Variants in USP12 observed in about 807,000 individuals in gnomAD.
The protein encoded by USP12 is ubiquitin specific peptidase 12.
Under a neutral mutation model 45.5 loss-of-function variants are expected in USP12, and 19 were observed. The observed-to-expected ratio is 0.42, with a 90% confidence interval of 0.29 to 0.61. The LOEUF (loss-of-function observed/expected upper bound fraction) is 0.61. Among genes scored for constraint, USP12 ranks in the 20% least tolerant of loss-of-function variants. The pLI is 0.22. For synonymous variants in USP12, 149 were observed against 148.8 expected, an observed-to-expected ratio of 1.00 and a Z score of -0.01; for missense variants, 242 against 447.7, an observed-to-expected ratio of 0.54 and a Z score of 4.15.
intron 1 of USP12, among the ~76,000 whole-genome samples, chr13:27,162,401 G>A (rs1390421125): frequency 1.3e-5 from 2 of 152,172 alleles, no homozygotes; most frequent in Non-Finnish European, 2.9e-5. Flanking sequence ...CCCTGTAGAT[G>A]TCATAACGAG....
At chr13:27,121,577 T>C (rs959195059) in intron 1 of USP12, among the ~76,000 whole-genome samples, 6 of 152,032 alleles carry the variant, frequency 3.9e-5, no homozygotes, top group Admixed American at 6.6e-5. Context: ...CAAGAAGATA[T>C]TAAGGCAGGC....
At chr13:27,136,514 T>A (rs1273013999) in intron 1 of USP12, among the ~76,000 whole-genome samples, 1 of 152,022 alleles carries the variant, frequency 6.6e-6, no homozygotes, top group East Asian at 1.9e-4. Flanking sequence ...AACAAATACA[T>A]ACATACATAC....
chr13:27,170,621 G>A (rs1201757159), intron 1 of USP12, among the ~76,000 whole-genome samples: 3 of 152,202 alleles, frequency 2.0e-5, no homozygotes, highest in Admixed American at 2.0e-4. Flanking sequence ...TTTTAAACGC[G>A]CCCACGTTTT....
At position 27,089,907 on chromosome 13, in the gene USP12, C is replaced by T. The variant is rs528471161; in HGVS notation, c.710G>A (p.Arg237His). ...CCGTTTGTGTGCTTCCTGTTTGCTG[C>T]GACACTCTTCACAGTAATACTTGTA... ...SEYKYYCEEC[R>H]SKQEAHKRMK... The change falls in exon 6 of 9, where the codon CGC becomes CAC. Residue 237 changes from arginine to histidine, a missense_variant. By Grantham distance (29) the Arg-to-His change is conservative (BLOSUM62 0). Around this residue, in one of 5 missense-constraint regions of USP12, gnomAD observed 94 missense variants for 168.3 expected, o/e 0.56. Transcript: ENST00000282344. The T allele has an allele frequency of 4.3e-6, 7 of 1,610,252 alleles. No individual in the cohort carries two copies. The highest frequency in any genetic ancestry group is 2.2e-5 in the East Asian group (1 of 44,806).
intron 2 of USP12, among the ~76,000 whole-genome samples, chr13:27,109,326 A>G (rs17592221): frequency 0.049 from 7,464 of 152,314 alleles, 228 homozygotes; most frequent in Middle Eastern, 0.058. Flanking sequence ...GTCTTTTAAT[A>G]TATCTTACCT....
intron 6 of USP12, among the ~76,000 whole-genome samples, chr13:27,087,940 T>C (rs1354769565): frequency 1.3e-5 from 2 of 152,228 alleles, no homozygotes; most frequent in African/African-American, 2.4e-5. Context: ...CAATGAAGAA[T>C]GAAATATTTA....
intron 8 of USP12, 85 bp downstream of exon 8, chr13:27,070,986 T>C (rs1873223962): frequency 8.2e-6 from 9 of 1,100,120 alleles, no homozygotes; most frequent in South Asian, 1.4e-5. Context: ...TCACCAGTCA[T>C]ATATAAATGA....
chr13:27,105,385 T>C (rs1273446627), intron 3 of USP12, among the ~76,000 whole-genome samples: 3 of 151,932 alleles, frequency 2.0e-5, no homozygotes, highest in Non-Finnish European at 4.4e-5. Flanking sequence ...GAAAGCATTA[T>C]GAAAACAAAT....
intron 3 of USP12, among the ~76,000 whole-genome samples, chr13:27,103,745 C>CAAA (rs1225480806): frequency 1.9e-4 from 11 of 58,010 alleles, no homozygotes; most frequent in East Asian, 5.0e-4. Context: ...CCATCTCTAC[C>CAAA]AAAAAAAAAA....
At chr13:27,117,470 T>A (rs1050714426) in intron 1 of USP12, among the ~76,000 whole-genome samples, 1 of 139,002 alleles carries the variant, frequency 7.2e-6, no homozygotes, top group South Asian at 2.1e-4. Flanking sequence ...TGGGCCATTG[T>A]TAGGGAAATA....
intron 1 of USP12, among the ~76,000 whole-genome samples, chr13:27,148,676 T>TTATATATATATATATATATATATA (rs59164229): frequency 1.4e-5 from 2 of 139,432 alleles, no homozygotes; most frequent in African/African-American, 5.3e-5. Flanking sequence ...AAAAAAAAAA[T>TTATATATATATATATATATATATA]TATATATATA....
rs1876445822 is a variant in USP12, at chr13:27,130,536, AC to A, written c.49-13941del. On this transcript the variant is annotated intron_variant, in intron 1 of 8. Transcript: ENST00000282344. ...TTCAAACTGTTCAGTTCTCACACACACACAAAAAAAATCACAAAACATGCCA... is the reference window on the plus strand; with the variant it reads ...TTCAAACTGTTCAGTTCTCACACACAACAAAAAAAATCACAAAACATGCCA... 2.1e-5 allele frequency among the ~76,000 whole-genome samples: 3 copies of A among 143,660 alleles called. 1 individual carries two copies. The highest frequency in any genetic ancestry group is 7.6e-5 in the African/African-American group (3 of 39,232). 94.2% of individuals were successfully genotyped at this position (143,660 alleles called of 152,430 possible). A position where few individuals can be genotyped will look rare whatever the true frequency, so the allele number is the denominator to read the frequency against.
At chr13:27,137,579 A>G (rs1028114326) in intron 1 of USP12, among the ~76,000 whole-genome samples, 1 of 152,206 alleles carries the variant, frequency 6.6e-6, no homozygotes, top group Non-Finnish European at 1.5e-5. Context: ...ATCATAAGTA[A>G]GATACCACAC....
chr13:27,166,988 G>T (rs901294996), intron 1 of USP12, among the ~76,000 whole-genome samples: 1 of 152,114 alleles, frequency 6.6e-6, no homozygotes, highest in African/African-American at 2.4e-5. Flanking sequence ...ATAATCATTC[G>T]TGGGTAAACA....
At chr13:27,148,009 T>C (rs1593208241) in intron 1 of USP12, among the ~76,000 whole-genome samples, 1 of 151,666 alleles carries the variant, frequency 6.6e-6, no homozygotes, top group East Asian at 1.9e-4. Flanking sequence ...GCACCTGTAG[T>C]CCCAAGCTGC....
At chr13:27,109,912 C>CAAAAA (rs58500654) in intron 2 of USP12, among the ~76,000 whole-genome samples, 1,971 of 108,116 alleles carry the variant, frequency 0.018, 70 homozygotes, top group South Asian at 0.025. Flanking sequence ...ACTCTGTCTC[C>CAAAAA]AAAAAAAAAA....
chr13:27,105,998 G>C, intron 2 of USP12, 54 bp from the exon 3 acceptor site: 3 of 1,470,960 alleles, frequency 2.0e-6, no homozygotes, highest in South Asian at 2.6e-5. Context: ...ATTTTCAAGA[G>C]AGAAATTCCC....
chr13:27,144,743 T>G (rs1416304646), intron 1 of USP12, among the ~76,000 whole-genome samples: 1 of 137,084 alleles, frequency 7.3e-6, no homozygotes, highest in Non-Finnish European at 1.6e-5. Context: ...TTTTGTTTTT[T>G]GTTGTTTTTT....
In USP12 at chr13:27,069,112, A is replaced by G. The variant is rs939506726; in HGVS notation, c.*171T>C. ...TACCTGAGCAAATAAATCAACTACC[A>G]TGATCGGAAGGGCTTGTCAATCCAT... is the stretch of plus-strand genomic sequence containing the variant. On this transcript the variant is annotated 3_prime_UTR_variant, in exon 9 of 9. Coordinates refer to ENST00000282344, the MANE Select transcript of USP12 (RefSeq NM_182488.4). 3.1e-6 allele frequency: 2 copies of G among 637,936 alleles called. No homozygotes were observed. Among genetic ancestry groups the G allele is most frequent in the African/African-American group, 3.7e-5 (2 of 54,358 alleles). The allele number at this position is 637,936 out of a possible 1,614,324, so 39.5% of individuals were successfully genotyped here. A position where few individuals can be genotyped will look rare whatever the true frequency, so the allele number is the denominator to read the frequency against.
Sources: allele counts gnomAD v4.1 joint callset (sites outside exome capture counted in the v4.1 genomes callset), GRCh38; gene constraint gnomAD v4.1.1; regional missense constraint gnomAD v4.1.1; transcripts MANE v1.5; gene names NCBI Gene and HGNC (gene_info 2026-07-23, HGNC 2026-07-21).